SDCCAG8: variants seen among roughly 807,000 people sequenced by gnomAD.
The protein encoded by SDCCAG8 is serologically defined colon cancer antigen 8.
SDCCAG8 carries 74 observed loss-of-function variants against 101.8 expected under a neutral mutation model. The ratio of observed to expected loss-of-function variants is 0.73; its 90% CI spans 0.60 to 0.88. The LOEUF is 0.88. Among genes scored for constraint, SDCCAG8 ranks in the 40% least tolerant of loss-of-function variants. The probability of loss-of-function intolerance (pLI) is 0.00; values close to 1 mark genes in which losing one functional copy is unlikely to be tolerated. For missense variants in SDCCAG8, 787 were observed against 822.6 expected (o/e 0.96, Z 0.53); for synonymous variants, 281 against 292.9 (o/e 0.96, Z 0.41).
At chr1:243,441,832 G>T (rs2082556248) in intron 16 of SDCCAG8, among the ~76,000 whole-genome samples, 1 of 152,112 alleles carries the variant, frequency 6.6e-6, no homozygotes, top group South Asian at 2.1e-4. Context: ...TGTTGTTATA[G>T]AAAGAAATGT....
chr1:243,481,990 G>C (rs1255004560), intron 16 of SDCCAG8, among the ~76,000 whole-genome samples: 1 of 152,194 alleles, frequency 6.6e-6, no homozygotes, highest in Non-Finnish European at 1.5e-5. Flanking sequence ...CTGGTGCTAG[G>C]TTCACAAGTG....
At chr1:243,380,373 C>G (rs946677243) in intron 13 of SDCCAG8, among the ~76,000 whole-genome samples, 2 of 152,082 alleles carry the variant, frequency 1.3e-5, no homozygotes, top group African/African-American at 4.8e-5. Context: ...CAGAACCAAC[C>G]ATTTGTGTGC....
chr1:243,307,955 G>A (rs1436485592), intron 7 of SDCCAG8, 34 bp from the exon 8 acceptor site: 1 of 1,610,340 alleles, frequency 6.2e-7, no homozygotes, highest in Non-Finnish European at 8.5e-7. Context: ...ATTTTACCTG[G>A]CCATTTTCTA....
intron 2 of SDCCAG8, among the ~76,000 whole-genome samples, chr1:243,270,488 C>G (rs565510864): frequency 2.6e-5 from 4 of 152,214 alleles, no homozygotes; most frequent in Non-Finnish European, 5.9e-5. Flanking sequence ...TAAGATAGCT[C>G]TAACCTGCCT....
At chr1:243,439,528 G>A (rs1156497547) in intron 16 of SDCCAG8, among the ~76,000 whole-genome samples, 2 of 151,816 alleles carry the variant, frequency 1.3e-5, no homozygotes, top group African/African-American at 4.8e-5. Flanking sequence ...CAGAGGCTGA[G>A]GCAGGAGAAA....
Position 243,304,760 on chromosome 1 carries a change from C to T in SDCCAG8, c.723C>T (p.Ser241=). 1 of 1,591,306 alleles carries T rather than the reference C, an allele frequency of 6.3e-7. No individual in the cohort carries two copies. The highest frequency in any genetic ancestry group is 8.6e-7 in the Non-Finnish European group (1 of 1,159,666). Residue 241 remains serine, a synonymous_variant, in exon 7 of 18, where the codon TCC becomes TCT. Coordinates refer to ENST00000366541, the MANE Select transcript of SDCCAG8 (RefSeq NM_006642.5). ...TYEEKCEIEE[S]QLKFLRNDLA... The stretch of plus-strand genomic sequence containing the variant: ...AGGAAAAGTGTGAAATTGAGGAATC[C>T]CAATTGAAGTTTTTGAGGTAAAGTG...
intron 13 of SDCCAG8, among the ~76,000 whole-genome samples, chr1:243,390,917 C>T (rs1168005231): frequency 1.3e-5 from 2 of 152,214 alleles, no homozygotes; most frequent in African/African-American, 4.8e-5. Flanking sequence ...AAGCCCATCA[C>T]CTTGATGTTT....
intron 1 of SDCCAG8, among the ~76,000 whole-genome samples, chr1:243,263,609 C>T (rs935932694): frequency 6.6e-5 from 10 of 152,326 alleles, no homozygotes; most frequent in African/African-American, 1.7e-4. Flanking sequence ...AGCCAATCTC[C>T]TGGATTTGCC....
At chr1:243,318,499 C>T in intron 9 of SDCCAG8, 1 of 957,570 alleles carries the variant, frequency 1.0e-6, no homozygotes, top group Non-Finnish European at 1.2e-6. Context: ...TACCCCCGAA[C>T]CTAAAATAAA....
At chr1:243,496,290 TG>T (rs1261471941) in intron 17 of SDCCAG8, among the ~76,000 whole-genome samples, 32 of 152,184 alleles carry the variant, frequency 2.1e-4, no homozygotes, top group African/African-American at 6.8e-4. Flanking sequence ...CGGGCCTGGC[TG>T]GAACAGCTGC....
chr1:243,296,301 T>G (rs555546135), intron 6 of SDCCAG8, among the ~76,000 whole-genome samples: 87 of 152,268 alleles, frequency 5.7e-4, no homozygotes, highest in African/African-American at 2.0e-3. Context: ...CGGCCAATAG[T>G]TTATTCTTAG....
intron 8 of SDCCAG8, among the ~76,000 whole-genome samples, chr1:243,314,037 T>C (rs1252288808): frequency 6.6e-6 from 1 of 152,204 alleles, no homozygotes; most frequent in Non-Finnish European, 1.5e-5. Flanking sequence ...TTTGTGGGGT[T>C]GCTTGCTGCT....
chr1:243,417,288 T>G (rs182880697), intron 14 of SDCCAG8, among the ~76,000 whole-genome samples: 58 of 152,338 alleles, frequency 3.8e-4, no homozygotes, highest in African/African-American at 1.2e-3. Context: ...TTGGGCAGAA[T>G]CTAAGCACTA....
chr1:243,419,857 C>G (rs2080864761), intron 15 of SDCCAG8, among the ~76,000 whole-genome samples: 1 of 152,212 alleles, frequency 6.6e-6, no homozygotes, highest in Non-Finnish European at 1.5e-5. Flanking sequence ...GGTTAACTTA[C>G]TCTGTGCCCC....
At chr1:243,352,083 C>T (rs2076113364) in intron 12 of SDCCAG8, among the ~76,000 whole-genome samples, 1 of 152,138 alleles carries the variant, frequency 6.6e-6, no homozygotes, top group Non-Finnish European at 1.5e-5. Flanking sequence ...CTATTAATTT[C>T]TGCTTGTTAT....
At position 243,291,089 on chromosome 1, in the gene SDCCAG8, G is replaced by A. The variant is rs79234377; in HGVS notation, c.547-2002G>A. ...ACTTTAGGTGAATGTAGTTTACCAC[G>A]TTCGAGCATGATGCGACACTGCAGT... On this transcript the variant is annotated intron_variant, in intron 5 of 17. Transcript: ENST00000366541. Among the ~76,000 whole-genome samples the A allele has an allele frequency of 6.9e-3, 1,048 of 152,308 alleles. 10 individuals carry two copies. The highest frequency in any genetic ancestry group is 0.024 in the African/African-American group (1,000 of 41,560).
intron 12 of SDCCAG8, among the ~76,000 whole-genome samples, chr1:243,373,030 C>T (rs1171159983): frequency 6.6e-6 from 1 of 150,964 alleles, no homozygotes; most frequent in African/African-American, 2.4e-5. Flanking sequence ...TAGGAAATGT[C>T]AGAGCACATC....
chr1:243,309,916 T>G (rs971015191), intron 8 of SDCCAG8, among the ~76,000 whole-genome samples: 1 of 152,160 alleles, frequency 6.6e-6, no homozygotes, highest in Admixed American at 6.5e-5. Flanking sequence ...CAGGCTGGAG[T>G]GCAGTGGCGC....
chr1:243,371,336 T>C (rs1000994344), intron 12 of SDCCAG8, among the ~76,000 whole-genome samples: 2 of 152,174 alleles, frequency 1.3e-5, no homozygotes, highest in African/African-American at 4.8e-5. Context: ...TAACTCCGTT[T>C]TGAATCTCAG....
Sources: gnomAD v4.1 joint callset for allele counts (sites outside exome capture counted in the v4.1 genomes callset) on GRCh38, gnomAD v4.1.1 for gene constraint, MANE v1.5 for transcripts, NCBI Gene and HGNC (gene_info 2026-07-23, HGNC 2026-07-21) for gene names.